The following CDH23 variants were observed in gnomAD, a reference collection of about 807,000 sequenced individuals.
CDH23 encodes the protein cadherin related 23.
In CDH23, 189 loss-of-function variants were observed where a neutral mutation model predicts 317.1. The observed-to-expected ratio is 0.60, with a 90% CI of 0.53 to 0.67. The LOEUF (loss-of-function observed/expected upper bound fraction) is 0.67, where lower values mean the gene tolerates loss of function less well. Among genes scored for constraint, CDH23 ranks in the 30% least tolerant of loss-of-function variants. The probability of loss-of-function intolerance (pLI) is 0.00; values close to 1 mark genes in which losing one functional copy is unlikely to be tolerated. For synonymous variants in CDH23, 1,839 were observed against 1,876.8 expected (o/e 0.98, Z 0.52); for missense variants, 4,401 against 4,592.4 (o/e 0.96, Z 1.20).
intron 34 of CDH23, among the ~76,000 whole-genome samples, chr10:71,735,552 T>A (rs1414473153): frequency 6.6e-6 from 1 of 152,128 alleles, no homozygotes; most frequent in East Asian, 1.9e-4. Flanking sequence ...TCACATCAGC[T>A]ACCATCTAGA....
At position 71,644,795 on chromosome 10, in the gene CDH23, G is replaced by A. The variant is rs976488990; in HGVS notation, c.1140+929G>A. Among the ~76,000 whole-genome samples, 27 of 152,354 alleles carry A rather than the reference G, an allele frequency of 1.8e-4. No homozygotes were observed. The East Asian group carries it at 5.2e-3, about 29-fold the overall frequency. On this transcript the variant is annotated intron_variant, in intron 12 of 69. Transcript: ENST00000224721. The stretch of plus-strand genomic sequence containing the variant: ...CCATAAGCCAGAGCCTCTGCCTCTG[G>A]ACTGAAAGCCAAGGTCAGTGACCTA...
intron 3 of CDH23, among the ~76,000 whole-genome samples, chr10:71,508,906 C>T (rs1346096523): frequency 6.6e-6 from 1 of 152,188 alleles, no homozygotes; most frequent in East Asian, 1.9e-4. Flanking sequence ...CCTGGGGCTT[C>T]CTGGTTTTAG....
At chr10:71,434,811 A>G (rs1320413865) in intron 1 of CDH23, among the ~76,000 whole-genome samples, 1 of 152,186 alleles carries the variant, frequency 6.6e-6, no homozygotes, top group African/African-American at 2.4e-5. Context: ...CTGATGGAGC[A>G]TGCATTCTCC....
intron 6 of CDH23, among the ~76,000 whole-genome samples, chr10:71,514,247 C>A (rs1854151646): frequency 6.6e-6 from 1 of 152,212 alleles, no homozygotes; most frequent in Non-Finnish European, 1.5e-5. Context: ...AGCATATTCC[C>A]AACCTCTGCA....
chr10:71,753,773 A>G (rs1018182187), intron 38 of CDH23: 5 of 456,300 alleles, frequency 1.1e-5, no homozygotes, highest in Admixed American at 2.4e-5. Context: ...GGGGAAACAG[A>G]TGGTGGGGGA....
At chr10:71,497,002 G>C (rs947720067) in intron 3 of CDH23, among the ~76,000 whole-genome samples, 1 of 152,172 alleles carries the variant, frequency 6.6e-6, no homozygotes. Flanking sequence ...GTTCCCCCAC[G>C]GTCACATTCA....
Position 71,807,870 on chromosome 10 carries a change from G to C in CDH23, c.8585G>C (p.Gly2862Ala), listed in dbSNP as rs1841785251. 1 of 1,603,874 alleles carries C rather than the reference G, an allele frequency of 6.2e-7. No homozygotes were observed. Among genetic ancestry groups the C allele is most frequent in the Non-Finnish European group, 8.5e-7 (1 of 1,175,198 alleles). Residue 2862 changes from glycine to alanine, a missense_variant, in exon 60 of 70, where the codon GGC becomes GCC. By Grantham distance (60) the Gly-to-Ala change is moderately conservative. This residue lies in a region of CDH23 where 1,144 missense variants were observed against 1,138.2 expected (regional missense o/e 1.01). Transcript: ENST00000224721. ...TAGVATDAKV[G>A]SELIQVLALD... ...GGGGTGGCCACCGACGCCAAGGTGG[G>C]CTCAGAGTTGATCCAGGTGCTGGCC...
chr10:71,428,401 G>T (rs759133740), intron 1 of CDH23, among the ~76,000 whole-genome samples: 1 of 151,932 alleles, frequency 6.6e-6, no homozygotes, highest in Non-Finnish European at 1.5e-5. Context: ...GCCTCCCAAA[G>T]TGTTGGGATT....
intron 12 of CDH23, 128 bp from the exon 13 acceptor site, chr10:71,645,703 C>T (rs753670971): frequency 2.1e-5 from 22 of 1,024,174 alleles, no homozygotes; most frequent in African/African-American, 3.1e-5. Context: ...TCTGTCCCAG[C>T]GCCTCATCCA....
At position 71,439,904 on chromosome 10, in the gene CDH23, T is replaced by A. The variant is rs1455226636; in HGVS notation, c.67+6T>A. On this transcript the variant is annotated splice_donor_region_variant and intron_variant, in intron 2 of 69. Transcript: ENST00000224721. ...GCTGATCTCTGGATGCTGGGGTAAG[T>A]CCAGTCCTCCCCGTGTCTATCCCAT... 1 of 1,568,324 alleles carries A rather than the reference T, an allele frequency of 6.4e-7. No homozygotes were observed. The highest frequency in any genetic ancestry group is 1.9e-5 in the Admixed American group (1 of 53,522).
intron 1 of CDH23, among the ~76,000 whole-genome samples, chr10:71,416,187 G>T (rs1040070283): frequency 1.3e-5 from 2 of 152,090 alleles, no homozygotes; most frequent in South Asian, 2.1e-4. Context: ...ACCATGCCCG[G>T]CTAATTTTTG....
Position 71,803,245 on chromosome 10 carries a change from C to A in CDH23, c.7697C>A (p.Thr2566Asn). The A allele has an allele frequency of 6.2e-7, 1 of 1,600,410 alleles. No individual in the cohort carries two copies. The highest frequency in any genetic ancestry group is 8.5e-7 in the Non-Finnish European group (1 of 1,172,942). The change falls in exon 55 of 70, where the codon ACC (threonine) becomes AAC (asparagine). Residue 2566 changes from threonine to asparagine, a missense_variant. Around this residue, in one of 3 missense-constraint regions of CDH23, gnomAD observed 1,144 missense variants for 1,138.2 expected, o/e 1.01. Transcript: ENST00000224721. Reference sequence around the variant, plus strand: ...GTGGACATGGACTCGGGCTTGGTGACCACACAGCGGCCACTGCAGTCCTAC... The same window carrying A: ...GTGGACATGGACTCGGGCTTGGTGAACACACAGCGGCCACTGCAGTCCTAC... ...FHVDMDSGLV[T>N]TQRPLQSYEK...
rs1554837492 is a variant in CDH23 at position 71,550,572 on chromosome 10, A to AAAG, written c.430-16168_430-16167insGAA. On this transcript the variant is annotated intron_variant, in intron 6 of 69. Transcript: ENST00000224721. ...GAGACCCTGTCTCAAAAAAAAAAAA[A>AAAG]AAAAAGAAAAAAGAAAAAGAAAGAA... Among the ~76,000 whole-genome samples, 18 of 113,410 alleles carry AAAG rather than the reference A, an allele frequency of 1.6e-4. No individual in the cohort carries two copies. The South Asian group carries it at 2.1e-3, about 13-fold the overall frequency. The allele number at this position is 113,410 out of a possible 152,430, so 74.4% of individuals were successfully genotyped here.
At chr10:71,446,286 C>T (rs746220827) in intron 2 of CDH23, 32 bp from the exon 3 acceptor site, 1 of 1,608,146 alleles carries the variant, frequency 6.2e-7, no homozygotes, top group South Asian at 1.1e-5. Context: ...ATGGGGGGTA[C>T]TTGGCTGACG....
rs189262032 is a variant in CDH23 at position 71,460,141 on chromosome 10, C to T, written c.145+13746C>T. On this transcript the variant is annotated intron_variant, in intron 3 of 69. Transcript: ENST00000224721. ...TTAAGCTGCTGAGCTGAATTCAAGC[C>T]CACATGTCTCTCTCTCTCTCCATAA... Among the ~76,000 whole-genome samples, 39 of 152,362 alleles carry T rather than the reference C, an allele frequency of 2.6e-4. No individual in the cohort carries two copies. In the East Asian group the frequency reaches 7.1e-3, roughly 28 times the overall value.
At chr10:71,790,049 G>T (rs1395272691) in intron 45 of CDH23, among the ~76,000 whole-genome samples, 2 of 152,192 alleles carry the variant, frequency 1.3e-5, no homozygotes, top group African/African-American at 4.8e-5. Context: ...GGGCAGCCGG[G>T]GCCTTGCTCA....
intron 6 of CDH23, among the ~76,000 whole-genome samples, chr10:71,542,957 A>G (rs75996351): frequency 0.029 from 4,487 of 152,314 alleles, 223 homozygotes; most frequent in African/African-American, 0.1. Context: ...GTGGGGGACA[A>G]CCACCAAAAA....
chr10:71,779,093 A>G (rs569374309), intron 40 of CDH23, among the ~76,000 whole-genome samples, 174 bp from the exon 41 acceptor site: 1 of 152,326 alleles, frequency 6.6e-6, no homozygotes, highest in East Asian at 1.9e-4. Context: ...GGCAATAATG[A>G]TAACTCATCC....
intron 48 of CDH23, chr10:71,794,596 T>G (rs1357213250): frequency 1.3e-5 from 2 of 152,234 alleles, no homozygotes; most frequent in Non-Finnish European, 2.9e-5. Context: ...GATAGAAGAA[T>G]CAACATGGCT....
Sources: allele counts gnomAD v4.1 joint callset (sites outside exome capture counted in the v4.1 genomes callset), GRCh38; gene constraint gnomAD v4.1.1; regional missense constraint gnomAD v4.1.1; transcripts MANE v1.5; gene names NCBI Gene and HGNC (gene_info 2026-07-23, HGNC 2026-07-21).